SLC9A3: variants seen among roughly 807,000 people sequenced by gnomAD.
SLC9A3 encodes the protein sodium/hydrogen exchanger 3.
Under a neutral mutation model 86.8 loss-of-function variants are expected in SLC9A3, and 37 were observed. The ratio of observed to expected loss-of-function variants is 0.43; its 90% CI spans 0.33 to 0.56. SLC9A3 has a LOEUF of 0.56. SLC9A3 is among the 20% of genes least tolerant of loss of function. The pLI, the probability that SLC9A3 is intolerant of heterozygous loss-of-function variation, is 0.06. For missense variants in SLC9A3, 1,011 were observed against 1,171.9 expected, an observed-to-expected ratio of 0.86 and a Z score of 2.00; for synonymous variants, 581 against 528.3, an observed-to-expected ratio of 1.10 and a Z score of -1.37.
chr5:520,278 T>C (rs1733847959), intron 1 of SLC9A3, among the ~76,000 whole-genome samples: 1 of 152,074 alleles, frequency 6.6e-6, no homozygotes, highest in South Asian at 2.1e-4. Context: ...TAGAATCCAC[T>C]CCCGGCCCCA....
intron 1 of SLC9A3, among the ~76,000 whole-genome samples, chr5:502,087 C>G (rs574091285): frequency 5.2e-5 from 8 of 152,396 alleles, no homozygotes; most frequent in African/African-American, 1.9e-4. Context: ...TCGAGCAAAC[C>G]TGGTCGGTTT....
intron 14 of SLC9A3, 37 bp from the exon 15 acceptor site, chr5:475,708 T>G: frequency 8.5e-7 from 1 of 1,172,270 alleles, no homozygotes; most frequent in East Asian, 2.5e-5. Context: ...CTGGGGTCAC[T>G]GGGGGGCTGT....
chr5:504,577 C>G (rs183625604), intron 1 of SLC9A3, among the ~76,000 whole-genome samples: 2,316 of 152,304 alleles, frequency 0.015, 60 homozygotes, highest in South Asian at 0.091. Context: ...GGGCTCACGG[C>G]CCCGCTGCCT....
intron 5 of SLC9A3, among the ~76,000 whole-genome samples, chr5:484,081 C>T (rs1047232660): frequency 7.2e-5 from 11 of 151,942 alleles, no homozygotes; most frequent in African/African-American, 2.7e-4. Flanking sequence ...GTCCCCCTGG[C>T]TGGCTCACCC....
intron 1 of SLC9A3, among the ~76,000 whole-genome samples, chr5:519,691 C>T (rs953782426): frequency 6.6e-5 from 10 of 152,128 alleles, no homozygotes; most frequent in Admixed American, 3.3e-4. Context: ...GATTTGGGGC[C>T]GGGAGCAGGG....
At chr5:476,491 CG>C in intron 12 of SLC9A3, 51 bp downstream of exon 12, 1 of 1,603,496 alleles carries the variant, frequency 6.2e-7, no homozygotes. Flanking sequence ...ACGAGGAAGC[CG>C]CCCCACGGGG....
At position 471,617 on chromosome 5, in the gene SLC9A3, G is replaced by A. The variant is rs981373920; in HGVS notation, c.*1762C>T. On this transcript the variant is annotated 3_prime_UTR_variant, in exon 17 of 17. Transcript: ENST00000264938. ...GCTGGCCTTGGATCTGTCCAGTAGG[G>A]TCACTGACTGGGCAGGGCTTGCTGC... The A allele has an allele frequency of 5.2e-6, 2 of 382,306 alleles. No individual in the cohort carries two copies. Among genetic ancestry groups the A allele is most frequent in the African/African-American group, 4.2e-5 (2 of 47,642 alleles). 23.7% of individuals were successfully genotyped at this position (382,306 alleles called of 1,614,324 possible).
intron 1 of SLC9A3, among the ~76,000 whole-genome samples, chr5:503,370 G>A (rs538485618): frequency 6.6e-6 from 1 of 152,274 alleles, no homozygotes; most frequent in South Asian, 2.1e-4. Context: ...ACCCCTTCTC[G>A]ACAAAATAAA....
In SLC9A3 at chr5:497,778, GCA is replaced by G. The variant is rs1409747831; in HGVS notation, c.212-5709_212-5708del. On this transcript the variant is annotated intron_variant, in intron 1 of 16. Transcript: ENST00000264938. The surrounding 1 kb of genome is among the most constrained non-coding windows in gnomAD (Gnocchi z 5.4). Reference sequence around the variant, plus strand: ...CTGTCCCGGGTGGGGTCGCCCGGCCGCATCCCCAGCCTCTGCCCCTGTCCCGG... The same window carrying G: ...CTGTCCCGGGTGGGGTCGCCCGGCCGTCCCCAGCCTCTGCCCCTGTCCCGG... 1.3e-4 allele frequency among the ~76,000 whole-genome samples: 9 copies of G among 71,672 alleles called. No individual in the cohort carries two copies. The East Asian group carries it at 1.6e-3, about 12-fold the overall frequency. The allele number at this position is 71,672 out of a possible 152,430, so 47.0% of individuals were successfully genotyped here.
chr5:501,714 C>CA, intron 1 of SLC9A3, among the ~76,000 whole-genome samples: 1 of 152,240 alleles, frequency 6.6e-6, no homozygotes, highest in South Asian at 2.1e-4. Context: ...CTCAGTATCA[C>CA]TTTACCCGCC....
intron 1 of SLC9A3, among the ~76,000 whole-genome samples, chr5:509,504 AAGGG>A (rs1331588870): frequency 7.7e-5 from 8 of 103,802 alleles, no homozygotes; most frequent in Middle Eastern, 4.7e-3. Context: ...AGAAGGAAGG[AAGGG>A]AGGGAGGGAG....
At chr5:481,047 C>G (rs1579775421) in intron 9 of SLC9A3, among the ~76,000 whole-genome samples, 1 of 152,102 alleles carries the variant, frequency 6.6e-6, no homozygotes, top group Non-Finnish European at 1.5e-5. Flanking sequence ...ACGCCACCAC[C>G]CCTGGCTAAT....
intron 16 of SLC9A3, 86 bp from the exon 17 acceptor site, chr5:473,468 G>A: frequency 1.0e-5 from 12 of 1,156,872 alleles, no homozygotes; most frequent in Non-Finnish European, 1.2e-5. Flanking sequence ...CTGTCCCCGA[G>A]CCCGGCGGCT....
intron 1 of SLC9A3, among the ~76,000 whole-genome samples, chr5:507,231 C>T (rs1177682806): frequency 3.5e-4 from 35 of 99,836 alleles, no homozygotes; most frequent in African/African-American, 1.3e-4. Flanking sequence ...TGCGGTGGCG[C>T]GATCTGGGCT....
At chr5:478,286 C>T (rs961212045) in intron 10 of SLC9A3, 2 of 152,276 alleles carry the variant, frequency 1.3e-5, no homozygotes, top group African/African-American at 4.8e-5. Context: ...GACCTTTGTC[C>T]CGCTCCTGCC....
intron 3 of SLC9A3, among the ~76,000 whole-genome samples, chr5:486,876 G>A (rs536935510): frequency 7.7e-6 from 1 of 130,660 alleles, no homozygotes; most frequent in East Asian, 2.4e-4. Flanking sequence ...AGACCGCACT[G>A]ACACCCACCG....
chr5:482,220 A>G (rs1579778773), intron 7 of SLC9A3, 63 bp from the exon 8 acceptor site: 1 of 1,311,132 alleles, frequency 7.6e-7, no homozygotes, highest in Non-Finnish European at 1.1e-6. Context: ...TGGCCCGGCC[A>G]GGTGCACCAC....
Position 482,105 on chromosome 5 carries a change from T to G in SLC9A3, c.1409A>C (p.His470Pro). Residue 470 changes from histidine (H) to proline (P), a missense_variant, in exon 8 of 17, where the codon CAC (histidine) becomes CCC (proline). Around this residue, in one of 3 missense-constraint regions of SLC9A3, gnomAD observed 565 missense variants for 790.0 expected, o/e 0.72. Coordinates refer to ENST00000264938, the MANE Select transcript of SLC9A3 (RefSeq NM_004174.4). ...VQWLKVKRSE[H>P]REPRLNEKLH... ...CTTCTCGTTGAGCCGAGGTTCCCGGTGCTCGCTCCTCTTCACCTTCAGCCA... is the reference window on the plus strand; with the variant it reads ...CTTCTCGTTGAGCCGAGGTTCCCGGGGCTCGCTCCTCTTCACCTTCAGCCA... 6.3e-7 allele frequency: 1 copy of G among 1,599,626 alleles called. No individual in the cohort carries two copies. The highest frequency in any genetic ancestry group is 1.4e-5 in the African/African-American group (1 of 73,018).
chr5:475,289 T>C (rs1439334394), intron 15 of SLC9A3, 157 bp from the exon 16 acceptor site: 30 of 728,846 alleles, frequency 4.1e-5, no homozygotes, highest in East Asian at 1.3e-4. Flanking sequence ...TTCCCCCACA[T>C]CCATGACCCC....
Sources: allele counts gnomAD v4.1 joint callset (sites outside exome capture counted in the v4.1 genomes callset), GRCh38; gene constraint gnomAD v4.1.1; regional missense constraint gnomAD v4.1.1; non-coding constraint Gnocchi (gnomAD v3.1); transcripts MANE v1.5; gene names NCBI Gene and HGNC (gene_info 2026-07-23, HGNC 2026-07-21).